Variants in MYH11 observed in about 807,000 individuals in gnomAD.
MYH11 encodes the protein myosin-11.
Under a neutral mutation model 246.6 loss-of-function variants are expected in MYH11, and 80 were observed. That is an observed-to-expected ratio of 0.32 (90% CI 0.27 to 0.39). The LOEUF (loss-of-function observed/expected upper bound fraction) is 0.39, where lower values mean the gene tolerates loss of function less well. MYH11 is among the 10% of genes least tolerant of loss of function. The pLI is 1.00. For synonymous variants in MYH11, 1,071 were observed against 1,015.5 expected, an observed-to-expected ratio of 1.05 and a Z score of -1.04; for missense variants, 2,158 against 2,546.8, an observed-to-expected ratio of 0.85 and a Z score of 3.29.
At chr16:15,799,673 T>TA (rs2042835024) in intron 3 of MYH11, among the ~76,000 whole-genome samples, 2 of 152,260 alleles carry the variant, frequency 1.3e-5, no homozygotes, top group South Asian at 4.1e-4. Context: ...TGAGAACAGT[T>TA]ACCAATACGT....
chr16:15,725,875 G>C, intron 28 of MYH11: 1 of 393,908 alleles, frequency 2.5e-6, no homozygotes. Flanking sequence ...CCAGAGTAAG[G>C]ATCAACATAC....
At chr16:15,726,369 CTTT>C (rs781567624) in intron 28 of MYH11, 32 of 149,564 alleles carry the variant, frequency 2.1e-4, no homozygotes, top group South Asian at 9.0e-4. Flanking sequence ...GGTTTTTTTT[CTTT>C]TTTTTTTTTT....
intron 15 of MYH11, among the ~76,000 whole-genome samples, chr16:15,751,001 A>G (rs900497716): frequency 1.3e-5 from 2 of 152,162 alleles, no homozygotes; most frequent in South Asian, 2.1e-4. Flanking sequence ...AGCAGAAACC[A>G]GCAAGAAATG....
chr16:15,747,479 A>G, intron 19 of MYH11, 91 bp downstream of exon 19: 1 of 1,465,624 alleles, frequency 6.8e-7, no homozygotes, highest in East Asian at 2.3e-5. Context: ...CATCTTAAAC[A>G]GGTGGCCTCT....
chr16:15,762,209 A>T lies in MYH11; in HGVS notation c.1130-1551T>A, dbSNP rs541293387. The stretch of plus-strand genomic sequence containing the variant: ...AGGCTGGTCTTGAACTCCTGACTTC[A>T]AGTGATCCACCTGCCTGGGCCTCCC... On this transcript the variant is annotated intron_variant, in intron 10 of 40. Coordinates refer to ENST00000300036, the MANE Select transcript of MYH11 (RefSeq NM_002474.3). Among the ~76,000 whole-genome samples, 270 of 152,302 alleles carry T rather than the reference A, an allele frequency of 1.8e-3. 3 individuals carry two copies. The highest frequency in any genetic ancestry group is 4.0e-3 in the Admixed American group (61 of 15,292).
intron 14 of MYH11, among the ~76,000 whole-genome samples, chr16:15,755,097 TAAC>T (rs1227202246): frequency 3.3e-5 from 5 of 152,214 alleles, no homozygotes; most frequent in Non-Finnish European, 7.3e-5. Context: ...TTATTTACAA[TAAC>T]AAGCTGTGGG....
chr16:15,762,460 C>G (rs1354342359), intron 10 of MYH11, among the ~76,000 whole-genome samples: 1 of 152,172 alleles, frequency 6.6e-6, no homozygotes, highest in Admixed American at 6.5e-5. Flanking sequence ...GATAACATCA[C>G]TATTGTAAAA....
intron 3 of MYH11, among the ~76,000 whole-genome samples, chr16:15,801,560 C>T (rs532190292): frequency 5.3e-4 from 81 of 152,120 alleles, no homozygotes; most frequent in African/African-American, 1.9e-3. Context: ...ACTTGGGAGG[C>T]TGAGACAGTA....
chr16:15,845,545 G>T (rs1406917879), intron 1 of MYH11, among the ~76,000 whole-genome samples: 1 of 152,142 alleles, frequency 6.6e-6, no homozygotes, highest in East Asian at 1.9e-4. Context: ...TTTCTGGACA[G>T]CCATAGTCAC....
chr16:15,757,584 G>A (rs182350034), intron 13 of MYH11, among the ~76,000 whole-genome samples: 1 of 148,088 alleles, frequency 6.8e-6, no homozygotes, highest in East Asian at 2.0e-4. Flanking sequence ...AAGAAAAAAA[G>A]GAAGAAAAAA....
chr16:15,778,925 T>C, intron 6 of MYH11, 82 bp from the exon 7 acceptor site: 2 of 1,318,670 alleles, frequency 1.5e-6, no homozygotes, highest in Non-Finnish European at 1.1e-6. Context: ...AGGAGGCAGA[T>C]GGTACAGAGG....
intron 20 of MYH11, chr16:15,742,334 T>C: frequency 3.9e-6 from 1 of 257,162 alleles, no homozygotes; most frequent in East Asian, 9.5e-5. Context: ...CCCACCTCCC[T>C]ATCAAAGTCA....
chr16:15,782,303 T>C, intron 6 of MYH11, 82 bp downstream of exon 6: 1 of 1,220,090 alleles, frequency 8.2e-7, no homozygotes, highest in Non-Finnish European at 1.2e-6. Flanking sequence ...CCCTCCCACC[T>C]CTGCACGCAA....
At position 15,838,064 on chromosome 16, in the gene MYH11, C is replaced by T. The variant is rs2043950241; in HGVS notation, c.189G>A (p.Val63=). 4 of 1,613,990 alleles carry T rather than the reference C, an allele frequency of 2.5e-6. 1 individual carries two copies. The South Asian group carries it at 4.4e-5, about 18-fold the overall frequency. Residue 63 remains valine, a synonymous_variant, in exon 2 of 41, where the codon GTG becomes GTA. Transcript: ENST00000300036. ...CAACCGTGACCTTCTTGCCATTCTC[C>T]ACCAGCTCCACAACCACCTCATCCC... ...EKGDEVVVEL[V]ENGKKVTVGK... is the part of the protein sequence containing the mutation.
At chr16:15,711,335 A>C (rs2039781237) in intron 40 of MYH11, 1 of 152,066 alleles carries the variant, frequency 6.6e-6, no homozygotes, top group East Asian at 1.9e-4. Flanking sequence ...TTATGATGTC[A>C]GAGAGAGTCT....
intron 26 of MYH11, among the ~76,000 whole-genome samples, chr16:15,734,632 T>G (rs1358037890): frequency 6.6e-6 from 1 of 152,202 alleles, no homozygotes; most frequent in African/African-American, 2.4e-5. Flanking sequence ...TTCTATAGTT[T>G]TCAAATTGTT....
chr16:15,724,322 C>A lies in MYH11; in HGVS notation c.4204G>T (p.Glu1402Ter). 1 of 1,614,160 alleles carries A rather than the reference C, an allele frequency of 6.2e-7. No individual in the cohort carries two copies. The highest frequency in any genetic ancestry group is 8.5e-7 in the Non-Finnish European group (1 of 1,180,044). The change falls in exon 31 of 41, where the codon GAG becomes TAG. Residue 1402 changes from glutamate (E) to a stop codon, truncating the protein, a stop_gained. Transcript: ENST00000300036. LOFTEE classifies it high-confidence loss of function. Reference sequence around the variant, plus strand: ...TCCTCGTACTGCTGGGTGAGGTTCTCGATCTCCTTCTGGAACCTCTTCTTC... The same window carrying A: ...TCCTCGTACTGCTGGGTGAGGTTCTAGATCTCCTTCTGGAACCTCTTCTTC... ...EGKKRFQKEI[E>*]NLTQQYEEKA...
chr16:15,849,709 C>T (rs2044282724), intron 1 of MYH11, among the ~76,000 whole-genome samples: 1 of 152,160 alleles, frequency 6.6e-6, no homozygotes, highest in Non-Finnish European at 1.5e-5. Flanking sequence ...GCCTCAGCCT[C>T]CCAAAGTGCT....
rs1212947132 is a variant in MYH11 at position 15,825,386 on chromosome 16, CAAAAAAAAA to C, written c.346-1984_346-1976del. Among the ~76,000 whole-genome samples the C allele has an allele frequency of 3.1e-3, 188 of 60,992 alleles. 1 individual carries two copies. Among genetic ancestry groups the C allele is most frequent in the African/African-American group, 8.6e-3 (178 of 20,632 alleles). The allele number at this position is 60,992 out of a possible 152,430, so 40.0% of individuals were successfully genotyped here. A position where few individuals can be genotyped will look rare whatever the true frequency, so the allele number is the denominator to read the frequency against. On this transcript the variant is annotated intron_variant, in intron 2 of 40. Transcript: ENST00000300036. ...CAACAACAGCCGGACCCCCTCTCTACAAAAAAAAAAAAAAAAAAAAAATAGCTGGCCATG... is the reference window on the plus strand; with the variant it reads ...CAACAACAGCCGGACCCCCTCTCTACAAAAAAAAAAAAATAGCTGGCCATG...
Sources: allele counts gnomAD v4.1 joint callset (sites outside exome capture counted in the v4.1 genomes callset), GRCh38; gene constraint gnomAD v4.1.1; transcripts MANE v1.5; gene names NCBI Gene and HGNC (gene_info 2026-07-23, HGNC 2026-07-21).